Variants in NNMT observed in about 807,000 individuals in gnomAD.
The protein encoded by NNMT is nicotinamide N-methyltransferase.
Under a neutral mutation model 11.7 loss-of-function variants are expected in NNMT, and 10 were observed. The observed-to-expected ratio is 0.85, with a 90% CI of 0.53 to 1.45. The LOEUF is 1.45. Among genes scored for constraint, NNMT ranks in the 40% most tolerant of loss-of-function variants. NNMT has a pLI of 0.00. For synonymous variants in NNMT, 143 were observed against 133.8 expected, an observed-to-expected ratio of 1.07 and a Z score of -0.48; for missense variants, 381 against 319.4, an observed-to-expected ratio of 1.19 and a Z score of -1.47.
At chr11:114,283,536 A>G (rs929048822) in intron 2 of NNMT, among the ~76,000 whole-genome samples, 1 of 152,224 alleles carries the variant, frequency 6.6e-6, no homozygotes, top group Non-Finnish European at 1.5e-5. Flanking sequence ...AAATATAATC[A>G]TATGAGTGAA....
intron 2 of NNMT, among the ~76,000 whole-genome samples, chr11:114,275,025 C>T (rs1347952795): frequency 1.3e-5 from 2 of 152,188 alleles, no homozygotes; most frequent in Non-Finnish European, 2.9e-5. Flanking sequence ...TAATTTCAGG[C>T]ACCAGGAAAG....
chr11:114,303,964 T>C (rs1945465771), intron 2 of NNMT, among the ~76,000 whole-genome samples: 1 of 152,212 alleles, frequency 6.6e-6, no homozygotes, highest in Non-Finnish European at 1.5e-5. Context: ...TACCCCTGAC[T>C]TAGAATTTTA....
At chr11:114,282,428 C>G (rs773276991) in intron 2 of NNMT, among the ~76,000 whole-genome samples, 3 of 151,970 alleles carry the variant, frequency 2.0e-5, no homozygotes, top group Non-Finnish European at 4.4e-5. Context: ...AGGAAAAAGT[C>G]TAAAGACAAA....
In NNMT at chr11:114,261,295, C is replaced by T. The variant is rs1007902673; in HGVS notation, c.-216-1553C>T. Reference sequence around the variant, plus strand: ...GGTTGCACATCCCCTTAAAAGCTGCCTTGGGGCCGGGCGCGGTGGCTCACG... The same window carrying T: ...GGTTGCACATCCCCTTAAAAGCTGCTTTGGGGCCGGGCGCGGTGGCTCACG... On this transcript the variant is annotated intron_variant, in intron 1 of 4. Transcript: ENST00000535401. Among the ~76,000 whole-genome samples, 4 of 152,144 alleles carry T rather than the reference C, an allele frequency of 2.6e-5. 1 individual carries two copies. Among genetic ancestry groups the T allele is most frequent in the Admixed American group, 2.0e-4 (3 of 15,280 alleles).
intron 2 of NNMT, among the ~76,000 whole-genome samples, chr11:114,286,202 G>A (rs1417055041): frequency 6.6e-6 from 1 of 152,192 alleles, no homozygotes; most frequent in Non-Finnish European, 1.5e-5. Flanking sequence ...TTATCAAGTA[G>A]ACTTGATCTC....
intron 2 of NNMT, among the ~76,000 whole-genome samples, chr11:114,273,264 A>T (rs552291145): frequency 6.2e-4 from 95 of 152,356 alleles, no homozygotes; most frequent in Admixed American, 7.8e-4. Flanking sequence ...CAGCTTAGGC[A>T]GATGGCGAGA....
chr11:114,286,165 C>T (rs958315502), intron 2 of NNMT, among the ~76,000 whole-genome samples: 2 of 152,174 alleles, frequency 1.3e-5, no homozygotes, highest in Non-Finnish European at 2.9e-5. Flanking sequence ...GGTCCTGCCT[C>T]AGAGAGGAAA....
intron 2 of NNMT, among the ~76,000 whole-genome samples, chr11:114,271,862 C>T (rs12284120): frequency 2.0e-5 from 3 of 151,910 alleles, no homozygotes; most frequent in African/African-American, 4.8e-5. Flanking sequence ...AAAAACCCAC[C>T]GTAGAAGAGA....
At chr11:114,271,165 G>A (rs1945166987) in intron 2 of NNMT, among the ~76,000 whole-genome samples, 1 of 152,198 alleles carries the variant, frequency 6.6e-6, no homozygotes, top group South Asian at 2.1e-4. Context: ...GGAGTGGGCA[G>A]GGAGGCAGGC....
intron 2 of NNMT, chr11:114,270,600 C>T (rs1945161900): frequency 6.6e-6 from 1 of 152,340 alleles, no homozygotes; most frequent in South Asian, 2.1e-4. Context: ...AAGTCCAAGA[C>T]CAAGGTGCCA....
chr11:114,288,084 A>T (rs915259981), intron 2 of NNMT, among the ~76,000 whole-genome samples: 2 of 152,088 alleles, frequency 1.3e-5, no homozygotes, highest in East Asian at 1.9e-4. Flanking sequence ...TCATATCCAG[A>T]TATTTTGCTA....
At chr11:114,284,757 C>T (rs1475239482) in intron 2 of NNMT, among the ~76,000 whole-genome samples, 18 of 135,246 alleles carry the variant, frequency 1.3e-4, no homozygotes, top group Non-Finnish European at 2.0e-4. Flanking sequence ...CCACTGCACC[C>T]GGCCATCTTT....
chr11:114,263,798 C>A lies in NNMT; in HGVS notation c.-130+864C>A, dbSNP rs115966506. On this transcript the variant is annotated intron_variant, in intron 2 of 4. Transcript: ENST00000535401. Reference sequence around the variant, plus strand: ...ATAAAGTCAGTGTCTTTATACCAGACCTCTTGTTAGTTGAACTCTACAAGT... The same window carrying A: ...ATAAAGTCAGTGTCTTTATACCAGAACTCTTGTTAGTTGAACTCTACAAGT... Among the ~76,000 whole-genome samples the A allele has an allele frequency of 8.3e-4, 127 of 152,348 alleles. 1 individual carries two copies. Among genetic ancestry groups the A allele is most frequent in the African/African-American group, 2.9e-3 (122 of 41,572 alleles).
intron 2 of NNMT, 92 bp from the exon 3 acceptor site, chr11:114,311,953 G>A: frequency 7.3e-7 from 1 of 1,365,482 alleles, no homozygotes; most frequent in South Asian, 1.4e-5. Flanking sequence ...CACACATCTG[G>A]GACAATACGG....
At chr11:114,268,347 C>A (rs1945138912) in intron 2 of NNMT, among the ~76,000 whole-genome samples, 1 of 152,120 alleles carries the variant, frequency 6.6e-6, no homozygotes, top group Non-Finnish European at 1.5e-5. Flanking sequence ...ACAGTCCTCC[C>A]ACTTGTTCAC....
rs189416155 is a variant in NNMT at position 114,258,688 on chromosome 11, C to G, written c.-217+810C>G. Among the ~76,000 whole-genome samples the G allele has an allele frequency of 1.5e-3, 226 of 152,328 alleles. 1 individual carries two copies. The highest frequency in any genetic ancestry group is 4.6e-3 in the Admixed American group (70 of 15,310). Reference sequence around the variant, plus strand: ...TAGATGAGAGTCCCTGGTGACTCCTCAGTACTCTGAGGATGGAATTCAAAC... The same window carrying G: ...TAGATGAGAGTCCCTGGTGACTCCTGAGTACTCTGAGGATGGAATTCAAAC... On this transcript the variant is annotated intron_variant, in intron 1 of 4. Coordinates refer to the NNMT transcript ENST00000535401.
chr11:114,293,508 G>T (rs1166050173), upstream of NNMT, among the ~76,000 whole-genome samples: 1 of 149,676 alleles, frequency 6.7e-6, no homozygotes, highest in African/African-American at 2.5e-5. Context: ...ATTTGTTATT[G>T]TCTGTCTTTT....
chr11:114,273,474 T>C (rs1945187868), intron 2 of NNMT, among the ~76,000 whole-genome samples: 1 of 152,216 alleles, frequency 6.6e-6, no homozygotes, highest in Non-Finnish European at 1.5e-5. Flanking sequence ...AAGAGTTCTG[T>C]GCGCAGACCC....
At chr11:114,309,980 T>C (rs1294939097) in intron 2 of NNMT, among the ~76,000 whole-genome samples, 1 of 152,260 alleles carries the variant, frequency 6.6e-6, no homozygotes, top group Non-Finnish European at 1.5e-5. Context: ...TGTTGCCAAA[T>C]AATATTCCAT....
Sources: gnomAD v4.1 joint callset for allele counts (sites outside exome capture counted in the v4.1 genomes callset) on GRCh38, gnomAD v4.1.1 for gene constraint, MANE v1.5 for transcripts, NCBI Gene and HGNC (gene_info 2026-07-23, HGNC 2026-07-21) for gene names.